Variants in C12orf42 observed in about 807,000 individuals in gnomAD.
The protein encoded by C12orf42 is uncharacterized protein C12orf42.
Under a neutral mutation model 21.6 loss-of-function variants are expected in C12orf42, and 25 were observed. The ratio of observed to expected loss-of-function variants is 1.16; its 90% CI spans 0.84 to 1.62. The LOEUF (loss-of-function observed/expected upper bound fraction) is 1.62, where lower values mean the gene tolerates loss of function less well. Ranked by LOEUF, C12orf42 falls within the 40% of genes most tolerant of loss-of-function variation. The pLI, the probability that C12orf42 is intolerant of heterozygous loss-of-function variation, is 0.00. For synonymous variants in C12orf42, 174 were observed against 175.0 expected, an observed-to-expected ratio of 0.99 and a Z score of 0.05; for missense variants, 483 against 459.3, an observed-to-expected ratio of 1.05 and a Z score of -0.47.
chr12:103,144,004 C>T, the C12orf42 span, among the ~76,000 whole-genome samples: 2 of 152,044 alleles, frequency 1.3e-5, no homozygotes, highest in African/African-American at 2.4e-5. Context: ...CATAACATAG[C>T]ATATACCATA....
the C12orf42 span, among the ~76,000 whole-genome samples, chr12:103,176,118 A>G: frequency 6.6e-6 from 1 of 151,694 alleles, no homozygotes; most frequent in African/African-American, 2.4e-5. Context: ...GTTCAATACT[A>G]CTCCTTGGAA....
chr12:103,384,697 G>A (rs115675273), intron 3 of C12orf42, among the ~76,000 whole-genome samples: 1 of 152,142 alleles, frequency 6.6e-6, no homozygotes, highest in African/African-American at 2.4e-5. Flanking sequence ...ATCCAATCAA[G>A]TCAAGGAATT....
At chr12:103,511,564 CT>C in the C12orf42 span, among the ~76,000 whole-genome samples, 1 of 151,842 alleles carries the variant, frequency 6.6e-6, no homozygotes, top group African/African-American at 2.4e-5. Context: ...CTCAACTCCC[CT>C]TTTACCGCTC....
chr12:103,064,765 C>A, the C12orf42 span, among the ~76,000 whole-genome samples: 1 of 152,194 alleles, frequency 6.6e-6, no homozygotes, highest in Non-Finnish European at 1.5e-5. Context: ...AATGATCAGA[C>A]ATTTTGGGGA....
chr12:103,388,400 T>C (rs1242346970), intron 3 of C12orf42, among the ~76,000 whole-genome samples: 1 of 152,220 alleles, frequency 6.6e-6, no homozygotes, highest in South Asian at 2.1e-4. Flanking sequence ...CTGGGAATTC[T>C]GGATCCCCTG....
intron 1 of C12orf42, among the ~76,000 whole-genome samples, chr12:103,495,557 C>G (rs950797915): frequency 6.6e-6 from 1 of 151,986 alleles, no homozygotes; most frequent in African/African-American, 2.4e-5. Context: ...ACCATCTGCT[C>G]GCTGTCAATG....
chr12:103,077,190 TA>T, the C12orf42 span, among the ~76,000 whole-genome samples: 11 of 152,334 alleles, frequency 7.2e-5, no homozygotes, highest in African/African-American at 2.6e-4. Context: ...ATTGAAGATA[TA>T]ATTAACATGT....
intron 4 of C12orf42, among the ~76,000 whole-genome samples, chr12:103,329,251 C>T (rs776236631): frequency 5.3e-5 from 8 of 152,126 alleles, no homozygotes; most frequent in Non-Finnish European, 7.3e-5. Flanking sequence ...CATGCAGGGG[C>T]CATATGTTTC....
the C12orf42 span, among the ~76,000 whole-genome samples, chr12:103,160,662 A>T: frequency 6.6e-6 from 1 of 152,158 alleles, no homozygotes; most frequent in African/African-American, 2.4e-5. Flanking sequence ...CAACACCCCA[A>T]TCCCTTATTG....
upstream of C12orf42, among the ~76,000 whole-genome samples, chr12:103,498,439 A>G (rs1163023126): frequency 1.3e-5 from 2 of 152,284 alleles, no homozygotes; most frequent in African/African-American, 4.8e-5. Context: ...ATATGACAGT[A>G]TATGAAAATG....
At chr12:103,100,685 G>C in the C12orf42 span, among the ~76,000 whole-genome samples, 51 of 152,018 alleles carry the variant, frequency 3.4e-4, no homozygotes, top group South Asian at 0.011. Context: ...TAATTAGAGT[G>C]TGTGGGCAGA....
the C12orf42 span, among the ~76,000 whole-genome samples, chr12:103,120,024 A>G: frequency 6.6e-6 from 1 of 152,228 alleles, no homozygotes; most frequent in Non-Finnish European, 1.5e-5. Context: ...GGGAAAAGGG[A>G]TGGCAGGGAA....
At chr12:103,381,390 T>C (rs141725702) in intron 3 of C12orf42, among the ~76,000 whole-genome samples, 1 of 152,286 alleles carries the variant, frequency 6.6e-6, no homozygotes, top group East Asian at 1.9e-4. Context: ...TTAGAATCAG[T>C]AATTAGCACA....
At chr12:103,336,378 C>T (rs1049126439) in intron 4 of C12orf42, among the ~76,000 whole-genome samples, 6 of 152,182 alleles carry the variant, frequency 3.9e-5, no homozygotes, top group African/African-American at 1.4e-4. Flanking sequence ...GGGGCAATGG[C>T]ATAATTTAGA....
chr12:103,425,502 C>A (rs947528290), intron 2 of C12orf42, among the ~76,000 whole-genome samples: 1 of 152,200 alleles, frequency 6.6e-6, no homozygotes, highest in African/African-American at 2.4e-5. Context: ...AGGCAGCAAT[C>A]TTTGCTGTTC....
At chr12:103,080,319 T>C in the C12orf42 span, among the ~76,000 whole-genome samples, 1 of 152,194 alleles carries the variant, frequency 6.6e-6, no homozygotes, top group African/African-American at 2.4e-5. Flanking sequence ...CCTCCCTTCA[T>C]GCTTGTATGT....
At chr12:103,280,972 T>C (rs2036078398) in intron 4 of C12orf42, among the ~76,000 whole-genome samples, 1 of 152,170 alleles carries the variant, frequency 6.6e-6, no homozygotes. Flanking sequence ...TAACCCAACC[T>C]TGCTGGAGGG....
chr12:103,409,009 G>C (rs2048627560), intron 2 of C12orf42, among the ~76,000 whole-genome samples: 1 of 152,158 alleles, frequency 6.6e-6, no homozygotes, highest in African/African-American at 2.4e-5. Flanking sequence ...CAGGAATAAA[G>C]AGAGTTAGGG....
chr12:103,143,701 T>A, the C12orf42 span, among the ~76,000 whole-genome samples: 1 of 152,214 alleles, frequency 6.6e-6, no homozygotes, highest in Admixed American at 6.5e-5. Flanking sequence ...CTTTCTCTAA[T>A]AGGAGAACAA....
Sources: gnomAD v4.1 joint callset for allele counts (sites outside exome capture counted in the v4.1 genomes callset) on GRCh38, gnomAD v4.1.1 for gene constraint, MANE v1.5 for transcripts, NCBI Gene and HGNC (gene_info 2026-07-23, HGNC 2026-07-21) for gene names.